The following HTR2C variants were observed in gnomAD, a reference collection of about 807,000 sequenced individuals.
HTR2C encodes the protein 5-hydroxytryptamine (serotonin) receptor 2C, G protein-coupled.
A neutral mutation model predicts 21.0 loss-of-function variants in HTR2C; 5 were observed. The observed-to-expected ratio is 0.24, with a 90% CI of 0.12 to 0.50. HTR2C has a LOEUF of 0.50. Ranked by LOEUF, HTR2C falls within the 20% of genes least tolerant of loss-of-function variation. HTR2C has a pLI of 0.98. For missense variants in HTR2C, 271 were observed against 371.2 expected (o/e 0.73, Z 2.22); for synonymous variants, 150 against 145.3 (o/e 1.03, Z -0.23).
intron 4 of HTR2C, among the ~76,000 whole-genome samples, chrX:114,798,190 G>A (rs782413580): frequency 2.7e-5 from 3 of 110,930 alleles, no homozygotes; most frequent in East Asian, 2.9e-4. Flanking sequence ...AATTCAAAGC[G>A]CTCTGTTCCT....
At chrX:114,642,578 T>G (rs1368805340) in intron 2 of HTR2C, among the ~76,000 whole-genome samples, 1 of 112,196 alleles carries the variant, frequency 8.9e-6, no homozygotes, top group Non-Finnish European at 1.9e-5. Context: ...ATCTTATATG[T>G]AACACGGGTA....
chrX:114,588,058 A>G (rs1428372465), intron 1 of HTR2C, among the ~76,000 whole-genome samples: 3 of 112,446 alleles, frequency 2.7e-5, no homozygotes, highest in Non-Finnish European at 5.6e-5. Flanking sequence ...CTCGCTATTC[A>G]TTCCTCTTCT....
At chrX:114,680,329 C>T (rs782067641) in intron 2 of HTR2C, among the ~76,000 whole-genome samples, 5 of 111,977 alleles carry the variant, frequency 4.5e-5, no homozygotes, top group South Asian at 7.3e-4. Flanking sequence ...GGTGTTTTTC[C>T]GGCGGAGCCT....
At chrX:114,644,450 TG>T (rs1362814235) in intron 2 of HTR2C, among the ~76,000 whole-genome samples, 1 of 94,200 alleles carries the variant, frequency 1.1e-5, no homozygotes, top group Non-Finnish European at 2.1e-5. Flanking sequence ...TTAGTCATAT[TG>T]TAAGTGCATG....
Position 114,796,884 on chromosome X carries a change from TTGTA to T in HTR2C, c.350-51117_350-51114del, listed in dbSNP as rs782623542. Reference sequence around the variant, plus strand: ...TCACTGAGGATAAGTCTTTAGTTAGTTGTATCTGGTCATGCAGATGCATATTCCA... The same window carrying T: ...TCACTGAGGATAAGTCTTTAGTTAGTTCTGGTCATGCAGATGCATATTCCA... On this transcript the variant is annotated intron_variant, in intron 4 of 5. Transcript: ENST00000276198. Among the ~76,000 whole-genome samples, 85 of 111,743 alleles carry T rather than the reference TTGTA, an allele frequency of 7.6e-4. 1 individual carries two copies. The highest frequency in any genetic ancestry group is 2.7e-3 in the African/African-American group (82 of 30,851).
chrX:114,619,725 G>A (rs1330316808), intron 2 of HTR2C, among the ~76,000 whole-genome samples: 8 of 110,931 alleles, frequency 7.2e-5, no homozygotes, highest in African/African-American at 2.6e-4. Context: ...CTAACACAAG[G>A]TGAGAATTCT....
chrX:114,659,867 G>A (rs1930921685), intron 2 of HTR2C, among the ~76,000 whole-genome samples: 1 of 110,922 alleles, frequency 9.0e-6, no homozygotes, highest in Admixed American at 9.6e-5. Context: ...AGATACTTGG[G>A]GAACTGAGTG....
intron 4 of HTR2C, among the ~76,000 whole-genome samples, chrX:114,764,455 G>A (rs961003877): frequency 9.1e-6 from 1 of 109,368 alleles, no homozygotes; most frequent in Non-Finnish European, 1.9e-5. Flanking sequence ...ATTAATTACT[G>A]GTTTAATTCC....
At chrX:114,716,871 T>C (rs1203060820) in intron 2 of HTR2C, among the ~76,000 whole-genome samples, 1 of 111,441 alleles carries the variant, frequency 9.0e-6, no homozygotes. Flanking sequence ...AATCTGAACA[T>C]TTATGGCTAA....
Position 114,840,295 on chromosome X carries a change from A to G in HTR2C, c.350-7708A>G, listed in dbSNP as rs5988144. Among the ~76,000 whole-genome samples the G allele has an allele frequency of 4.9e-3, 540 of 111,230 alleles. 1 individual carries two copies. The highest frequency in any genetic ancestry group is 0.017 in the African/African-American group (506 of 30,601). ...AAAGAAAATATGCTCATAATTATTG[A>G]AAATGGAAAACCTCAGAAGATAAAT... is the stretch of plus-strand genomic sequence containing the variant. On this transcript the variant is annotated intron_variant, in intron 4 of 5. Coordinates refer to ENST00000276198, the MANE Select transcript of HTR2C (RefSeq NM_000868.4).
At chrX:114,811,404 T>A (rs2070530473) in intron 4 of HTR2C, among the ~76,000 whole-genome samples, 1 of 111,165 alleles carries the variant, frequency 9.0e-6, no homozygotes, top group African/African-American at 3.3e-5. Context: ...ACAAAAGAGA[T>A]CTACATACTC....
chrX:114,893,554 G>A (rs1556483317), intron 5 of HTR2C, among the ~76,000 whole-genome samples: 3 of 111,162 alleles, frequency 2.7e-5, no homozygotes, highest in Non-Finnish European at 1.9e-5. Flanking sequence ...ATTACCTTAA[G>A]CCAGATCATC....
chrX:114,693,407 CA>C (rs2147862067), intron 2 of HTR2C, among the ~76,000 whole-genome samples: 1 of 111,594 alleles, frequency 9.0e-6, no homozygotes, highest in South Asian at 3.8e-4. Context: ...AAGTAGATTA[CA>C]AAGATCTATG....
chrX:114,633,482 A>G (rs1929709740), intron 2 of HTR2C, among the ~76,000 whole-genome samples: 1 of 111,339 alleles, frequency 9.0e-6, no homozygotes, highest in Admixed American at 9.6e-5. Context: ...TACTGTCAAG[A>G]TAGCAAATTT....
chrX:114,825,674 T>G (rs1273535598), intron 4 of HTR2C, among the ~76,000 whole-genome samples: 1 of 111,766 alleles, frequency 8.9e-6, no homozygotes, highest in Non-Finnish European at 1.9e-5. Flanking sequence ...AGTGATAATT[T>G]TCTGTATGCT....
chrX:114,822,323 A>C (rs1041124983), intron 4 of HTR2C, among the ~76,000 whole-genome samples: 16 of 111,927 alleles, frequency 1.4e-4, no homozygotes, highest in African/African-American at 5.2e-4. Flanking sequence ...ATCTAGAGTC[A>C]TAAAGTTAAA....
intron 2 of HTR2C, among the ~76,000 whole-genome samples, chrX:114,721,837 G>A (rs2147332626): frequency 9.2e-6 from 1 of 108,534 alleles, no homozygotes; most frequent in African/African-American, 3.4e-5. Flanking sequence ...TAGGTATGCG[G>A]CGTTATTTCT....
intron 4 of HTR2C, among the ~76,000 whole-genome samples, chrX:114,740,015 G>A (rs1194378982): frequency 2.7e-5 from 3 of 109,643 alleles, no homozygotes; most frequent in East Asian, 2.9e-4. Flanking sequence ...AGGCTGAGAT[G>A]GGAGGATGGC....
chrX:114,722,727 A>G (rs782472731), intron 2 of HTR2C, among the ~76,000 whole-genome samples: 42 of 106,117 alleles, frequency 4.0e-4, no homozygotes, highest in African/African-American at 1.3e-3. Context: ...AGCATGAAGG[A>G]TTGTTGAATT....
Sources: allele counts gnomAD v4.1 joint callset (sites outside exome capture counted in the v4.1 genomes callset), GRCh38; gene constraint gnomAD v4.1.1; transcripts MANE v1.5; gene names NCBI Gene and HGNC (gene_info 2026-07-23, HGNC 2026-07-21).